Variants in CARD14 observed in about 807,000 individuals in gnomAD.
CARD14 encodes the protein caspase recruitment domain family member 14.
In CARD14, 107 loss-of-function variants were observed where a neutral mutation model predicts 111.5. The ratio of observed to expected loss-of-function variants is 0.96; its 90% CI spans 0.82 to 1.13. The LOEUF is 1.13. Among genes scored for constraint, CARD14 ranks in the 50% most tolerant of loss-of-function variants. The probability of loss-of-function intolerance (pLI) is 0.00; values close to 1 mark genes in which losing one functional copy is unlikely to be tolerated. For missense variants in CARD14, 1,322 were observed against 1,362.3 expected (o/e 0.97, Z 0.47); for synonymous variants, 617 against 579.6 (o/e 1.06, Z -0.93).
At chr17:80,191,756 T>TG (rs949782284) in intron 11 of CARD14, among the ~76,000 whole-genome samples, 1 of 152,220 alleles carries the variant, frequency 6.6e-6, no homozygotes, top group African/African-American at 2.4e-5. Flanking sequence ...TTCTGGAACC[T>TG]GTGGAGTGTG....
Position 80,187,197 on chromosome 17 carries a change from C to T in CARD14, c.676-1180C>T, listed in dbSNP as rs150037574. ...CCAGCGTCACCAGCACCTTCAGACC[C>T]GTGCTCAGTCCTGCAGCACATCTCA... On this transcript the variant is annotated intron_variant, in intron 7 of 23. Coordinates refer to ENST00000648509, the MANE Select transcript of CARD14 (RefSeq NM_001366385.1). 4.9e-3 allele frequency among the ~76,000 whole-genome samples: 753 copies of T among 152,330 alleles called. 2 individuals are homozygous for T. Among genetic ancestry groups the T allele is most frequent in the South Asian group, 0.014 (68 of 4,832 alleles).
Position 80,195,248 on chromosome 17 carries a change from C to T in CARD14, c.1414C>T (p.Arg472Cys), listed in dbSNP as rs145876317. ...TSSRELVDSF[R>C]SSSPAPPSQQ... ...CAGCCGCGAGCTGGTGGACAGCTTC[C>T]GCTCCAGCAGCCCCGCGCCCCCCAG... The change falls in exon 13 of 24, where the codon CGC becomes TGC. Residue 472 changes from arginine to cysteine, a missense_variant. By Grantham distance (180) the Arg-to-Cys change is radical (BLOSUM62 -3). Transcript: ENST00000648509. The surrounding 1 kb of genome is among the most constrained non-coding windows in gnomAD (Gnocchi z 4.7). 5.3e-5 allele frequency: 85 copies of T among 1,612,382 alleles called. No homozygotes were observed. The East Asian group carries it at 7.8e-4, about 15-fold the overall frequency.
At chr17:80,199,138 A>G (rs2040838729) in intron 16 of CARD14, among the ~76,000 whole-genome samples, 1 of 152,066 alleles carries the variant, frequency 6.6e-6, no homozygotes, top group African/African-American at 2.4e-5. Context: ...GACATTTTCT[A>G]AAACTTTTTT....
At chr17:80,191,262 CT>C in intron 10 of CARD14, 60 bp from the exon 11 acceptor site, 1 of 1,577,968 alleles carries the variant, frequency 6.3e-7, no homozygotes, top group Non-Finnish European at 8.7e-7. Flanking sequence ...GGCTCTCCTT[CT>C]CTAGCTGAGG....
At chr17:80,185,578 C>T (rs1412205910) in intron 7 of CARD14, among the ~76,000 whole-genome samples, 1 of 152,192 alleles carries the variant, frequency 6.6e-6, no homozygotes, top group African/African-American at 2.4e-5. Flanking sequence ...TTCTCAACTT[C>T]AGTCTTTTTG....
chr17:80,198,191 C>T lies in CARD14; in HGVS notation c.1658+29C>T. On this transcript the variant is annotated intron_variant, in intron 15 of 23. Coordinates refer to ENST00000648509, the MANE Select transcript of CARD14 (RefSeq NM_001366385.1). This position sits in a 1 kb window ranked among gnomAD's most constrained non-coding sequence, Gnocchi z 7.5. ...AGCAGCAGGTGGGAATCCTCCGAGG[C>T]TGGCTGGGGAACCAGGGCCAGGGAG... is the stretch of plus-strand genomic sequence containing the variant. The T allele has an allele frequency of 1.2e-6, 2 of 1,612,084 alleles. No individual in the cohort carries two copies. The highest frequency in any genetic ancestry group is 2.2e-5 in the South Asian group (2 of 91,010).
rs755654559 is a variant in CARD14 at position 80,195,222 on chromosome 17, C to T, written c.1388C>T (p.Ser463Phe). ...CTCTTGTCGGACCTGAGTGCCACGT[C>T]CAGCCGCGAGCTGGTGGACAGCTTC... ...SQLLSDLSAT[S>F]SRELVDSFRS... Residue 463 changes from serine (S) to phenylalanine (F), a missense_variant, in exon 13 of 24, where the codon TCC becomes TTC. Ser to Phe is a radical substitution (Grantham distance 155). Transcript: ENST00000648509. This position sits in a 1 kb window ranked among gnomAD's most constrained non-coding sequence, Gnocchi z 4.7. The T allele has an allele frequency of 6.2e-7, 1 of 1,611,284 alleles. No homozygotes were observed. Among genetic ancestry groups the T allele is most frequent in the South Asian group, 1.1e-5 (1 of 91,002 alleles).
intron 9 of CARD14, among the ~76,000 whole-genome samples, chr17:80,190,153 G>A (rs577020736): frequency 1.3e-4 from 20 of 152,272 alleles, no homozygotes; most frequent in Non-Finnish European, 2.4e-4. Flanking sequence ...AGGAGGGAAC[G>A]GGGAGGAAAG....
In CARD14 at chr17:80,205,662, A is replaced by C; in HGVS notation, c.2691+10A>C. 2.6e-6 allele frequency: 2 copies of C among 772,446 alleles called. No individual in the cohort carries two copies. Among genetic ancestry groups the C allele is most frequent in the Non-Finnish European group, 2.0e-6 (1 of 500,016 alleles). 47.8% of individuals were successfully genotyped at this position (772,446 alleles called of 1,614,324 possible). A position where few individuals can be genotyped will look rare whatever the true frequency, so the allele number is the denominator to read the frequency against. ...GTCCCTCATGGAAAAGGTGAGGTCA[A>C]GGGCGGGGTGGGCAGGGGAGCTGTC... On this transcript the variant is annotated intron_variant, in intron 22 of 23. Coordinates refer to ENST00000648509, the MANE Select transcript of CARD14 (RefSeq NM_001366385.1).
chr17:80,205,309 C>G (rs973316738), intron 21 of CARD14, 104 bp downstream of exon 21: 1 of 1,198,698 alleles, frequency 8.3e-7, no homozygotes, highest in Non-Finnish European at 1.2e-6. Flanking sequence ...TTCCCTCCCC[C>G]ACCACGCACA....
intron 2 of CARD14, among the ~76,000 whole-genome samples, chr17:80,176,476 CA>C (rs1441513609): frequency 1.3e-5 from 2 of 149,544 alleles, no homozygotes; most frequent in Admixed American, 1.3e-4. Flanking sequence ...AGCTATAACC[CA>C]TACGGCACAC....
rs200960057 is a variant in CARD14, at chr17:80,195,564, C to T, written c.1506C>T (p.Cys502=). ...FGEEPWSFSS[C]LEIPEGDPGA... ...TGCTGCTTATGCTTTGCAGCAGCTGCCTGGAGATCCCGGAGGGAGACCCGG... is the reference window on the plus strand; with the variant it reads ...TGCTGCTTATGCTTTGCAGCAGCTGTCTGGAGATCCCGGAGGGAGACCCGG... Residue 502 remains cysteine (C), a synonymous_variant, in exon 14 of 24, where the codon TGC becomes TGT. Coordinates refer to ENST00000648509, the MANE Select transcript of CARD14 (RefSeq NM_001366385.1). The surrounding 1 kb of genome is among the most constrained non-coding windows in gnomAD (Gnocchi z 4.7). The T allele has an allele frequency of 6.2e-7, 1 of 1,611,192 alleles. No homozygotes were observed. The highest frequency in any genetic ancestry group is 2.2e-5 in the East Asian group (1 of 44,848).
Position 80,208,190 on chromosome 17 carries a change from A to C in CARD14, c.2860A>C (p.Arg954=), listed in dbSNP as rs1472109518. ...AGAGGAGCAGCTCCTGGAGGCTGCG[A>C]GGCAGGAGGAGGGAGACCTGGACCG... ...TSEEQLLEAA[R]QEEGDLDRAP... Residue 954 remains arginine, a synonymous_variant, in exon 24 of 24, where the codon AGG becomes CGG. Coordinates refer to ENST00000648509, the MANE Select transcript of CARD14 (RefSeq NM_001366385.1). The C allele has an allele frequency of 1.9e-6, 3 of 1,551,978 alleles. No homozygotes were observed. The African/African-American group carries it at 4.1e-5, about 21-fold the overall frequency.
rs1014127464 is a variant in CARD14 at position 80,181,543 on chromosome 17, C to G, written c.105C>G (p.Cys35Trp). 3 of 1,576,260 alleles carry G rather than the reference C, an allele frequency of 1.9e-6. No individual in the cohort carries two copies. ...GCCACAGGATCGTACGCTGCATCTGCCCCAGCCGCCTCACCCCCTACCTGC... is the reference window on the plus strand; with the variant it reads ...GCCACAGGATCGTACGCTGCATCTGGCCCAGCCGCCTCACCCCCTACCTGC... ...SHRHRIVRCICPSRLTPYLRQ... is the reference protein window; with the variant it reads ...SHRHRIVRCIWPSRLTPYLRQ... Residue 35 changes from cysteine (C) to tryptophan (W), a missense_variant, in exon 5 of 24, where the codon TGC becomes TGG. Transcript: ENST00000648509.
Position 80,201,509 on chromosome 17 carries a change from G to A in CARD14, c.1852-235G>A. ...TCACAAAGAACCCCCGATCTCGACT[G>A]GGGAAGGGTTGGCAGTTGACTCTCT... On this transcript the variant is annotated intron_variant, in intron 16 of 23. Transcript: ENST00000648509. This position sits in a 1 kb window ranked among gnomAD's most constrained non-coding sequence, Gnocchi z 5.0. 1 of 545,680 alleles carries A rather than the reference G, an allele frequency of 1.8e-6. No individual in the cohort carries two copies. The highest frequency in any genetic ancestry group is 1.9e-5 in the African/African-American group (1 of 51,466). 33.8% of individuals were successfully genotyped at this position (545,680 alleles called of 1,614,324 possible). A position where few individuals can be genotyped will look rare whatever the true frequency, so the allele number is the denominator to read the frequency against.
At chr17:80,181,341 A>G (rs2040166410) in intron 4 of CARD14, 78 bp from the exon 5 acceptor site, 3 of 1,111,928 alleles carry the variant, frequency 2.7e-6, no homozygotes, top group Non-Finnish European at 3.9e-6. Flanking sequence ...GATGGAGTTG[A>G]TTTTAAAACG....
chr17:80,191,603 G>A (rs975689507), intron 11 of CARD14, 131 bp downstream of exon 11: 20 of 1,116,684 alleles, frequency 1.8e-5, no homozygotes, highest in South Asian at 9.0e-5. Flanking sequence ...GGCCACACGC[G>A]GCACCTGCAG....
At chr17:80,192,467 C>G in intron 11 of CARD14, 36 bp from the exon 12 acceptor site, 1 of 1,564,686 alleles carries the variant, frequency 6.4e-7, no homozygotes, top group Admixed American at 1.7e-5. Flanking sequence ...GGAACCTTTC[C>G]CGAATTAACC....
intron 4 of CARD14, 24 bp from the exon 5 acceptor site, chr17:80,181,395 C>T: frequency 6.5e-7 from 1 of 1,529,960 alleles, no homozygotes; most frequent in Non-Finnish European, 8.9e-7. Context: ...CTGACAACTC[C>T]ACCCCCATGG....
Sources: allele counts gnomAD v4.1 joint callset (sites outside exome capture counted in the v4.1 genomes callset), GRCh38; gene constraint gnomAD v4.1.1; non-coding constraint Gnocchi (gnomAD v3.1); transcripts MANE v1.5; gene names NCBI Gene and HGNC (gene_info 2026-07-23, HGNC 2026-07-21).